The following CCDC39 variants were observed in gnomAD, a reference collection of about 807,000 sequenced individuals.
The protein encoded by CCDC39 is coiled-coil domain-containing protein 39.
A neutral mutation model predicts 121.0 loss-of-function variants in CCDC39; 113 were observed. The observed-to-expected ratio is 0.93, with a 90% confidence interval of 0.80 to 1.09. The LOEUF (loss-of-function observed/expected upper bound fraction) is 1.09, where lower values mean the gene tolerates loss of function less well. Among genes scored for constraint, CCDC39 ranks in the 50% least tolerant of loss-of-function variants. The pLI, the probability that CCDC39 is intolerant of heterozygous loss-of-function variation, is 0.00. For synonymous variants in CCDC39, 349 were observed against 352.2 expected (o/e 0.99, Z 0.10); for missense variants, 1,063 against 1,074.7 (o/e 0.99, Z 0.15).
chr3:180,654,981 A>G (rs1476023098), intron 6 of CCDC39, 28 bp from the exon 7 acceptor site: 1 of 1,376,944 alleles, frequency 7.3e-7, no homozygotes, highest in Non-Finnish European at 9.7e-7. Flanking sequence ...ATGTTTACTT[A>G]AATATATGTT....
At chr3:180,676,009 A>T (rs1043668464) in intron 1 of CCDC39, among the ~76,000 whole-genome samples, 4 of 152,172 alleles carry the variant, frequency 2.6e-5, no homozygotes, top group East Asian at 1.9e-4. Context: ...TGGATTAAAG[A>T]CTTAAATGTT....
At chr3:180,617,952 T>A (rs1717309491) in intron 16 of CCDC39, 1 of 153,210 alleles carries the variant, frequency 6.5e-6, no homozygotes, top group Admixed American at 6.5e-5. Context: ...AAGCTCCATT[T>A]ATGGTAAGTG....
At chr3:180,622,415 C>T (rs867880329) in intron 14 of CCDC39, among the ~76,000 whole-genome samples, 4 of 151,898 alleles carry the variant, frequency 2.6e-5, no homozygotes, top group Non-Finnish European at 5.9e-5. Flanking sequence ...TTTCTCTTGC[C>T]TGATTGCTGT....
At chr3:180,655,844 A>G (rs1711565394) in intron 6 of CCDC39, among the ~76,000 whole-genome samples, 1 of 152,198 alleles carries the variant, frequency 6.6e-6, no homozygotes, top group South Asian at 2.1e-4. Flanking sequence ...TAAAAAGATT[A>G]GATGTTGTTT....
At chr3:180,647,297 C>A in intron 10 of CCDC39, 54 bp from the exon 11 acceptor site, 1 of 1,450,188 alleles carries the variant, frequency 6.9e-7, no homozygotes, top group South Asian at 1.3e-5. Context: ...AGCATTTCTA[C>A]AAGTGTAAAA....
rs12629097 is a variant in CCDC39 at position 180,651,765 on chromosome 3, C to T, written c.1035-232G>A. Reference sequence around the variant, plus strand: ...TAATAACGTAGTAGCTGGCCAGGCGCGGTGGCTCACGCCTGTAATCCCAGC... The same window carrying T: ...TAATAACGTAGTAGCTGGCCAGGCGTGGTGGCTCACGCCTGTAATCCCAGC... On this transcript the variant is annotated intron_variant, in intron 8 of 19. Transcript: ENST00000476379. Among the ~76,000 whole-genome samples the T allele has an allele frequency of 0.084, 12,745 of 152,116 alleles. 579 individuals are homozygous for T. The highest frequency in any genetic ancestry group is 0.12 in the South Asian group (589 of 4,816).
At chr3:180,631,327 C>T (rs530691378) in intron 14 of CCDC39, 142 bp downstream of exon 14, 2 of 746,770 alleles carry the variant, frequency 2.7e-6, no homozygotes, top group African/African-American at 3.5e-5. Context: ...AATAGTGGCC[C>T]TAATTAAGTG....
At chr3:180,624,932 C>T (rs1717522463) in intron 14 of CCDC39, among the ~76,000 whole-genome samples, 1 of 152,082 alleles carries the variant, frequency 6.6e-6, no homozygotes, top group African/African-American at 2.4e-5. Context: ...ATGCTTTTCT[C>T]TTGCTAATTT....
chr3:180,633,536 G>GGA (rs889274044), intron 13 of CCDC39, among the ~76,000 whole-genome samples: 3 of 152,078 alleles, frequency 2.0e-5, no homozygotes, highest in African/African-American at 4.8e-5. Context: ...TGAGCAATCT[G>GGA]GAGAGAGAGA....
At chr3:180,650,084 C>T (rs972545749) in intron 9 of CCDC39, among the ~76,000 whole-genome samples, 3 of 152,130 alleles carry the variant, frequency 2.0e-5, no homozygotes, top group African/African-American at 7.2e-5. Context: ...TTCAACTACC[C>T]CTTTTTCAAC....
Position 180,659,472 on chromosome 3 carries a change from C to T in CCDC39, c.718G>A (p.Asp240Asn), listed in dbSNP as rs201217742. 104 of 1,613,366 alleles carry T rather than the reference C, an allele frequency of 6.4e-5. No individual in the cohort carries two copies. ...TIEQMQKRDG[D>N]IDNCALELAR... is the part of the protein sequence containing the mutation. ...TTTACCAAAGCACAGTTATCTATGT[C>T]TCCATCCCTCTTCTGCATCTGTTCT... The change falls in exon 6 of 20, where the codon GAC becomes AAC. Residue 240 changes from aspartate to asparagine, a missense_variant. Transcript: ENST00000476379.
intron 14 of CCDC39, among the ~76,000 whole-genome samples, chr3:180,627,229 A>T (rs1717584675): frequency 6.6e-6 from 1 of 152,242 alleles, no homozygotes; most frequent in African/African-American, 2.4e-5. Flanking sequence ...TCAGAACATT[A>T]GTTACACATA....
intron 14 of CCDC39, among the ~76,000 whole-genome samples, chr3:180,622,977 AC>A (rs1359041577): frequency 2.6e-5 from 4 of 151,956 alleles, no homozygotes; most frequent in Non-Finnish European, 5.9e-5. Flanking sequence ...ATATTTTGGA[AC>A]AGTTTCAGGA....
chr3:180,660,533 A>C, intron 4 of CCDC39, 37 bp downstream of exon 4: 1 of 1,514,304 alleles, frequency 6.6e-7, no homozygotes, highest in Non-Finnish European at 8.9e-7. Flanking sequence ...CTACAGAGTT[A>C]GAGAAAACCT....
Position 180,642,085 on chromosome 3 carries a change from T to G in CCDC39, c.1782A>C (p.Thr594=). 6.2e-7 allele frequency: 1 copy of G among 1,613,028 alleles called. No individual in the cohort carries two copies. The highest frequency in any genetic ancestry group is 2.2e-5 in the East Asian group (1 of 44,818). The change falls in exon 13 of 20, where the codon ACA becomes ACC. Residue 594 remains threonine, a synonymous_variant. Transcript: ENST00000476379. The part of the protein sequence containing the change: ...SLEKRKQQLY[T]AMEERTEEIK... The stretch of plus-strand genomic sequence containing the variant: ...TTTCTTCAGTTCGCTCTTCCATTGC[T>G]GTGTATAATTGCTGTTTTCTTTTTT...
intron 13 of CCDC39, among the ~76,000 whole-genome samples, chr3:180,640,167 G>A (rs539141142): frequency 1.6e-4 from 25 of 152,116 alleles, no homozygotes; most frequent in African/African-American, 5.1e-4. Flanking sequence ...GGTACATTAC[G>A]TATGTCAAAA....
At chr3:180,674,069 A>G (rs1712123984) in intron 1 of CCDC39, among the ~76,000 whole-genome samples, 1 of 152,102 alleles carries the variant, frequency 6.6e-6, no homozygotes, top group African/African-American at 2.4e-5. Context: ...TACCTTGTGC[A>G]GTATGGCCAT....
chr3:180,637,574 C>T (rs897527769), intron 13 of CCDC39, among the ~76,000 whole-genome samples: 1 of 152,164 alleles, frequency 6.6e-6, no homozygotes, highest in African/African-American at 2.4e-5. Context: ...AATCCCATTA[C>T]CGGGTATATA....
At chr3:180,626,742 G>A (rs914130930) in intron 14 of CCDC39, among the ~76,000 whole-genome samples, 4 of 152,030 alleles carry the variant, frequency 2.6e-5, no homozygotes, top group African/African-American at 9.7e-5. Context: ...AACAAGTTGT[G>A]AGGAGTGCAG....
Sources: gnomAD v4.1 joint callset for allele counts (sites outside exome capture counted in the v4.1 genomes callset) on GRCh38, gnomAD v4.1.1 for gene constraint, MANE v1.5 for transcripts, NCBI Gene and HGNC (gene_info 2026-07-23, HGNC 2026-07-21) for gene names.